Variants in UGT1A10 observed in about 807,000 individuals in gnomAD.
UGT1A10 encodes the protein UDP-glucuronosyltransferase 1A10.
UGT1A10 carries 49 observed loss-of-function variants against 45.8 expected under a neutral mutation model. That is an observed-to-expected ratio of 1.07 (90% CI 0.85 to 1.36). The LOEUF (loss-of-function observed/expected upper bound fraction) is 1.36, where lower values mean the gene tolerates loss of function less well. UGT1A10 is among the 40% of genes most tolerant of loss of function. The pLI, the probability that UGT1A10 is intolerant of heterozygous loss-of-function variation, is 0.00. For synonymous variants in UGT1A10, 284 were observed against 249.7 expected (o/e 1.14, Z -1.29); for missense variants, 745 against 668.6 (o/e 1.11, Z -1.26).
intron 1 of UGT1A10, chr2:233,721,872 T>C: frequency 2.0e-6 from 1 of 500,280 alleles, no homozygotes. Context: ...TGGGCACACT[T>C]GCCAGCCCCT....
At position 233,729,652 on chromosome 2, in the gene UGT1A10, A is replaced by G. The variant is rs573544269; in HGVS notation, c.856-37382A>G. On this transcript the variant is annotated intron_variant, in intron 1 of 4. Transcript: ENST00000344644. ...TCCTACTGTGTTTTTTTTGAGGAAC[A>G]TTCCATGTGATTTAGACTTTAAGGG... 5 of 1,613,890 alleles carry G rather than the reference A, an allele frequency of 3.1e-6. No individual in the cohort carries two copies. The African/African-American group carries it at 6.7e-5, about 22-fold the overall frequency.
intron 1 of UGT1A10, among the ~76,000 whole-genome samples, chr2:233,639,210 G>T (rs1175930245): frequency 6.6e-6 from 1 of 152,104 alleles, no homozygotes; most frequent in Non-Finnish European, 1.5e-5. Context: ...TCTTTTATGA[G>T]ATATGAAATA....
At chr2:233,644,266 T>C (rs2073541687) in intron 1 of UGT1A10, among the ~76,000 whole-genome samples, 1 of 152,148 alleles carries the variant, frequency 6.6e-6, no homozygotes, top group South Asian at 2.1e-4. Context: ...AGCCTAGGGC[T>C]GGTTTAAATG....
intron 1 of UGT1A10, chr2:233,754,982 G>T (rs777457239): frequency 2.3e-5 from 30 of 1,295,872 alleles, no homozygotes; most frequent in Middle Eastern, 2.1e-4. Flanking sequence ...AGACCTCGGC[G>T]GGGTCACGGA....
chr2:233,755,064 C>A, intron 1 of UGT1A10: 1 of 1,335,842 alleles, frequency 7.5e-7, no homozygotes, highest in African/African-American at 1.5e-5. Flanking sequence ...CCTCGCCTCG[C>A]CATAGCGGTC....
intron 1 of UGT1A10, among the ~76,000 whole-genome samples, chr2:233,706,431 G>C (rs1375415239): frequency 6.6e-6 from 1 of 152,262 alleles, no homozygotes; most frequent in African/African-American, 2.4e-5. Context: ...TTCAGCCACA[G>C]ACTTGGTCAA....
At chr2:233,724,344 C>CCT (rs2077230748) in intron 1 of UGT1A10, among the ~76,000 whole-genome samples, 1 of 144,934 alleles carries the variant, frequency 6.9e-6, no homozygotes, top group African/African-American at 2.5e-5. Context: ...GGGCTGACCC[C>CCT]CCCCACCTCC....
At chr2:233,637,500 C>G (rs1339244800) in intron 1 of UGT1A10, 123 bp downstream of exon 1, 6 of 1,488,482 alleles carry the variant, frequency 4.0e-6, no homozygotes, top group Non-Finnish European at 5.3e-6. Context: ...TCCAGTTTAA[C>G]AAATTATTTT....
chr2:233,748,198 C>G, intron 1 of UGT1A10: 1 of 1,535,946 alleles, frequency 6.5e-7, no homozygotes, highest in Non-Finnish European at 8.8e-7. Flanking sequence ...TTCTGCTTGT[C>G]GTAATAGCCT....
At chr2:233,770,024 C>A (rs1031341974) in intron 4 of UGT1A10, 31 of 161,058 alleles carry the variant, frequency 1.9e-4, no homozygotes, top group Non-Finnish European at 2.6e-4. Context: ...TCTTTCCCTG[C>A]ACTGTTGAAG....
chr2:233,767,957 G>A (rs1699529946), intron 3 of UGT1A10, 21 bp downstream of exon 3: 6 of 1,614,186 alleles, frequency 3.7e-6, no homozygotes, highest in South Asian at 1.1e-5. Flanking sequence ...CGGATTGGAT[G>A]TATAGGTCAA....
intron 1 of UGT1A10, chr2:233,717,940 C>T: frequency 2.2e-6 from 1 of 453,716 alleles, no homozygotes; most frequent in Non-Finnish European, 4.4e-6. Context: ...AGTCTCTATG[C>T]AGACTTGCAG....
chr2:233,714,076 G>A (rs1264024258), intron 1 of UGT1A10, among the ~76,000 whole-genome samples: 2 of 152,134 alleles, frequency 1.3e-5, no homozygotes, highest in African/African-American at 2.4e-5. Flanking sequence ...AGGCAGGGAC[G>A]AGGATCTGTC....
chr2:233,769,853 G>A lies in UGT1A10; in HGVS notation c.1295+1414G>A. 2 of 388,620 alleles carry A rather than the reference G, an allele frequency of 5.1e-6. No homozygotes were observed. The highest frequency in any genetic ancestry group is 7.0e-5 in the South Asian group (1 of 14,300). The allele number at this position is 388,620 out of a possible 1,614,324, so 24.1% of individuals were successfully genotyped here. A position where few individuals can be genotyped will look rare whatever the true frequency, so the allele number is the denominator to read the frequency against. ...AACCTGGGCAACAGAGTGAGACCCT[G>A]TCTCAAAAAAAAAAAAAAAAATGAA... is the stretch of plus-strand genomic sequence containing the variant. On this transcript the variant is annotated intron_variant, in intron 4 of 4. Transcript: ENST00000344644. This position sits in a 1 kb window ranked among gnomAD's most constrained non-coding sequence, Gnocchi z 4.4.
chr2:233,727,033 A>G (rs2077579512), intron 1 of UGT1A10, among the ~76,000 whole-genome samples: 1 of 152,190 alleles, frequency 6.6e-6, no homozygotes, highest in Admixed American at 6.5e-5. Flanking sequence ...ACCCTAAGGA[A>G]TCTTTACCCC....
intron 4 of UGT1A10, 140 bp downstream of exon 4, chr2:233,768,579 CTTCTTTT>C: frequency 1.1e-6 from 1 of 934,852 alleles, no homozygotes; most frequent in Non-Finnish European, 1.4e-6. Context: ...ATTTTTATTT[CTTCTTTT>C]TTTTTTTTTT....
intron 1 of UGT1A10, chr2:233,717,656 G>A: frequency 2.5e-6 from 1 of 406,942 alleles, no homozygotes; most frequent in East Asian, 7.2e-5. Context: ...GGACAAGGAA[G>A]CATCAGCAAT....
Position 233,637,257 on chromosome 2 carries a change from C to T in UGT1A10, c.735C>T (p.Tyr245=). The T allele has an allele frequency of 6.2e-7, 1 of 1,613,992 alleles. No homozygotes were observed. Among genetic ancestry groups the T allele is most frequent in the Non-Finnish European group, 8.5e-7 (1 of 1,179,874 alleles). The part of the protein sequence containing the change: ...LQTPVTAYDL[Y]SHTSIWLLRT... ...CCCCTGTCACGGCATATGATCTCTA[C>T]AGTCACACATCAATTTGGTTGTTGC... The change falls in exon 1 of 5, where the codon TAC becomes TAT. Residue 245 remains tyrosine, a synonymous_variant. Coordinates refer to ENST00000344644, the MANE Select transcript of UGT1A10 (RefSeq NM_019075.4).
chr2:233,718,364 C>T (rs3732221), intron 1 of UGT1A10, among the ~76,000 whole-genome samples: 15,455 of 152,278 alleles, frequency 0.1, 904 homozygotes, highest in East Asian at 0.2. Flanking sequence ...GTGTTATTCA[C>T]ATATGAGAAG....
Sources: gnomAD v4.1 joint callset for allele counts (sites outside exome capture counted in the v4.1 genomes callset) on GRCh38, gnomAD v4.1.1 for gene constraint, Gnocchi (gnomAD v3.1) non-coding constraint, MANE v1.5 for transcripts, NCBI Gene and HGNC (gene_info 2026-07-23, HGNC 2026-07-21) for gene names.